The following ABHD2 variants were observed in gnomAD, a reference collection of about 807,000 sequenced individuals.
ABHD2 encodes the protein monoacylglycerol lipase ABHD2.
A neutral mutation model predicts 48.1 loss-of-function variants in ABHD2; 20 were observed. The observed-to-expected ratio is 0.42, with a 90% confidence interval of 0.29 to 0.60. ABHD2 has a LOEUF of 0.60. Ranked by LOEUF, ABHD2 falls within the 20% of genes least tolerant of loss-of-function variation. The probability of loss-of-function intolerance (pLI) is 0.24; values close to 1 mark genes in which losing one functional copy is unlikely to be tolerated. For missense variants in ABHD2, 405 were observed against 550.9 expected, an observed-to-expected ratio of 0.74 and a Z score of 2.65; for synonymous variants, 209 against 214.2, an observed-to-expected ratio of 0.98 and a Z score of 0.21.
chr15:89,051,717 G>T, the ABHD2 span, among the ~76,000 whole-genome samples: 1 of 152,156 alleles, frequency 6.6e-6, no homozygotes, highest in East Asian at 1.9e-4. Flanking sequence ...GCTCTCTCTT[G>T]CCTGCTGCCA....
intron 4 of ABHD2, among the ~76,000 whole-genome samples, chr15:89,152,637 T>C (rs2050612089): frequency 6.6e-6 from 1 of 152,156 alleles, no homozygotes; most frequent in African/African-American, 2.4e-5. Context: ...GTTTGTTGGA[T>C]AGCAGTAGAT....
rs116608897 is a variant in ABHD2 at position 89,137,272 on chromosome 15, C to T, written c.195-14405C>T. Reference sequence around the variant, plus strand: ...TGCCTAGGGAGGATGTGACCAGTTCCGCGTGCTGTTTGTGAACAGGAAGAT... The same window carrying T: ...TGCCTAGGGAGGATGTGACCAGTTCTGCGTGCTGTTTGTGAACAGGAAGAT... On this transcript the variant is annotated intron_variant, in intron 3 of 10. Coordinates refer to ENST00000352732, the MANE Select transcript of ABHD2 (RefSeq NM_152924.5). This position sits in a 1 kb window ranked among gnomAD's most constrained non-coding sequence, Gnocchi z 4.8. 6.6e-6 allele frequency among the ~76,000 whole-genome samples: 1 copy of T among 152,218 alleles called. No homozygotes were observed. The highest frequency in any genetic ancestry group is 2.4e-5 in the African/African-American group (1 of 41,522).
At position 89,166,721 on chromosome 15, in the gene ABHD2, G is replaced by A. The variant is rs573792238; in HGVS notation, c.539-9091G>A. On this transcript the variant is annotated intron_variant, in intron 5 of 10. Transcript: ENST00000352732. This position sits in a 1 kb window ranked among gnomAD's most constrained non-coding sequence, Gnocchi z 4.6. ...CTGTAGTCCCGGCTACTCTAGAAGC[G>A]CTGTGCCCAGGAGTTCAAGGCTACA... is the stretch of plus-strand genomic sequence containing the variant. 7.2e-5 allele frequency among the ~76,000 whole-genome samples: 11 copies of A among 152,090 alleles called. No individual in the cohort carries two copies. Among genetic ancestry groups the A allele is most frequent in the African/African-American group, 1.9e-4 (8 of 41,478 alleles).
chr15:89,075,056 T>C, the ABHD2 span, among the ~76,000 whole-genome samples: 4 of 152,142 alleles, frequency 2.6e-5, no homozygotes, highest in African/African-American at 2.4e-5. The surrounding 1 kb of genome is among the most constrained non-coding windows in gnomAD (Gnocchi z 4.1). Flanking sequence ...CCCAGAGGCC[T>C]TTTCTCGGTA....
chr15:89,139,843 C>T (rs186802898), intron 3 of ABHD2, among the ~76,000 whole-genome samples: 39 of 152,280 alleles, frequency 2.6e-4, no homozygotes, highest in African/African-American at 8.9e-4. Context: ...GGAAACATCC[C>T]GAGCCTATGT....
At chr15:89,165,956 G>C (rs2050832713) in intron 5 of ABHD2, among the ~76,000 whole-genome samples, 1 of 152,196 alleles carries the variant, frequency 6.6e-6, no homozygotes, top group Non-Finnish European at 1.5e-5. Context: ...GCAAAGAAGA[G>C]GTAGATCAAA....
chr15:89,093,783 T>A (rs1053841670), intron 1 of ABHD2: 2 of 152,308 alleles, frequency 1.3e-5, no homozygotes, highest in Admixed American at 6.5e-5. Context: ...TAACAAAGGG[T>A]TCCACTGATG....
rs897227732 is a variant in ABHD2 at position 89,195,033 on chromosome 15, A to G, written c.1082-194A>G. ...CCATTCAGCTCCAAAGCCAAGCTGT[A>G]CTCTAAAACCTGCTAGATGCCACTG... On this transcript the variant is annotated intron_variant, in intron 10 of 10. Coordinates refer to ENST00000352732, the MANE Select transcript of ABHD2 (RefSeq NM_152924.5). This position sits in a 1 kb window ranked among gnomAD's most constrained non-coding sequence, Gnocchi z 5.1. Among the ~76,000 whole-genome samples, 3 of 152,186 alleles carry G rather than the reference A, an allele frequency of 2.0e-5. No individual in the cohort carries two copies. Among genetic ancestry groups the G allele is most frequent in the Non-Finnish European group, 4.4e-5 (3 of 68,042 alleles).
chr15:89,108,289 G>T (rs2049819323), intron 1 of ABHD2, among the ~76,000 whole-genome samples: 1 of 152,182 alleles, frequency 6.6e-6, no homozygotes. Flanking sequence ...CTCCTCTTCT[G>T]ATGGTTGCCA....
chr15:89,169,041 C>T (rs1567101344), intron 5 of ABHD2, among the ~76,000 whole-genome samples: 1 of 152,060 alleles, frequency 6.6e-6, no homozygotes, highest in Non-Finnish European at 1.5e-5. Context: ...TGCAGTGAGC[C>T]ATGATCATGC....
At chr15:89,160,259 C>T (rs575972773) in intron 5 of ABHD2, among the ~76,000 whole-genome samples, 1 of 152,346 alleles carries the variant, frequency 6.6e-6, no homozygotes, top group South Asian at 2.1e-4. Context: ...CCACAGTTAA[C>T]ATGCTAGAAC....
intron 6 of ABHD2, chr15:89,183,384 A>AAAAAAAAATATATAT (rs61602174): frequency 1.1e-4 from 5 of 46,274 alleles, no homozygotes; most frequent in Admixed American, 3.3e-4. Flanking sequence ...AAAAAAAAAA[A>AAAAAAAAATATATAT]ATATATATAT....
intron 5 of ABHD2, among the ~76,000 whole-genome samples, chr15:89,163,354 C>T (rs187324121): frequency 8.2e-4 from 125 of 152,344 alleles, no homozygotes; most frequent in Admixed American, 6.7e-3. Context: ...ACTTAGAACC[C>T]TTCGTGCTGC....
the ABHD2 span, among the ~76,000 whole-genome samples, chr15:89,071,884 C>T: frequency 7.9e-5 from 12 of 152,084 alleles, no homozygotes; most frequent in Admixed American, 6.6e-5. Context: ...CTTTTTTGGC[C>T]AATGGAAGTG....
chr15:89,152,019 G>A (rs1441189899), intron 4 of ABHD2, among the ~76,000 whole-genome samples, 167 bp downstream of exon 4: 1 of 152,182 alleles, frequency 6.6e-6, no homozygotes, highest in East Asian at 1.9e-4. Context: ...GCAAAGGTTA[G>A]CTTCAGCGTA....
chr15:89,151,613 A>C lies in ABHD2; in HGVS notation c.195-64A>C. The C allele has an allele frequency of 6.5e-7, 1 of 1,536,840 alleles. No individual in the cohort carries two copies. Among genetic ancestry groups the C allele is most frequent in the Non-Finnish European group, 8.8e-7 (1 of 1,138,524 alleles). On this transcript the variant is annotated intron_variant, in intron 3 of 10. Transcript: ENST00000352732. This position sits in a 1 kb window ranked among gnomAD's most constrained non-coding sequence, Gnocchi z 4.7. ...AAATAGGTTGAAAGAGTTTTGCTAA[A>C]AGATTTTTCAGAACGTTGCTCAAGG...
intron 4 of ABHD2, among the ~76,000 whole-genome samples, chr15:89,154,911 A>G (rs1390095934): frequency 6.6e-6 from 1 of 152,258 alleles, no homozygotes; most frequent in Non-Finnish European, 1.5e-5. Context: ...AACTGAAAGT[A>G]AAATTGCTGG....
chr15:89,112,591 A>G (rs1310374456), intron 1 of ABHD2, among the ~76,000 whole-genome samples: 2 of 152,210 alleles, frequency 1.3e-5, no homozygotes, highest in African/African-American at 4.8e-5. Context: ...TCTTTCCTTC[A>G]ATGGGCTTTG....
chr15:89,092,565 A>G lies in ABHD2; in HGVS notation c.-107+4002A>G, dbSNP rs1475454910. On this transcript the variant is annotated intron_variant, in intron 1 of 10. Coordinates refer to ENST00000352732, the MANE Select transcript of ABHD2 (RefSeq NM_152924.5). This position sits in a 1 kb window ranked among gnomAD's most constrained non-coding sequence, Gnocchi z 4.4. ...TTTTTAAAGGCACAAAAGGTTAACTAGTAAATACATCTGTGTGTACCCCTG... is the reference window on the plus strand; with the variant it reads ...TTTTTAAAGGCACAAAAGGTTAACTGGTAAATACATCTGTGTGTACCCCTG... Among the ~76,000 whole-genome samples the G allele has an allele frequency of 6.6e-6, 1 of 152,262 alleles. No homozygotes were observed. The highest frequency in any genetic ancestry group is 1.5e-5 in the Non-Finnish European group (1 of 68,042).
Sources: gnomAD v4.1 joint callset for allele counts (sites outside exome capture counted in the v4.1 genomes callset) on GRCh38, gnomAD v4.1.1 for gene constraint, Gnocchi (gnomAD v3.1) non-coding constraint, MANE v1.5 for transcripts, NCBI Gene and HGNC (gene_info 2026-07-23, HGNC 2026-07-21) for gene names.